Variants in GSE1 observed in about 807,000 individuals in gnomAD.
GSE1 encodes Gse1 coiled-coil protein, also known as genetic suppressor element 1.
GSE1 carries 32 observed loss-of-function variants against 112.6 expected under a neutral mutation model. That is an observed-to-expected ratio of 0.28 (90% CI 0.21 to 0.38). The LOEUF is 0.38. GSE1 is among the 10% of genes least tolerant of loss of function. GSE1 has a pLI of 1.00. For synonymous variants in GSE1, 1,115 were observed against 735.6 expected (o/e 1.52, Z -8.35); for missense variants, 2,348 against 1,699.2 (o/e 1.38, Z -6.71).
intron 15 of GSE1, chr16:85,672,109 C>T: frequency 3.0e-6 from 1 of 330,516 alleles, no homozygotes; most frequent in Non-Finnish European, 6.0e-6. Flanking sequence ...AGCGATTCTC[C>T]TGCCTCAGCC....
In GSE1 at chr16:85,662,988, C is replaced by A; in HGVS notation, c.2268C>A (p.Tyr756Ter). The A allele has an allele frequency of 6.2e-7, 1 of 1,604,014 alleles. No homozygotes were observed. The highest frequency in any genetic ancestry group is 8.5e-7 in the Non-Finnish European group (1 of 1,171,566). The change falls in exon 10 of 16, where the codon TAC (tyrosine) becomes TAA (stop). Residue 756 changes from tyrosine to a stop codon, truncating the protein, a stop_gained. Transcript: ENST00000253458. LOFTEE classifies it high-confidence loss of function. Reference protein sequence around the residue: ...RRREAQEKGYYYDLDDSYDES... With the variant: ...RRREAQEKGY ...CAACCATTTCTCCATCAGGGTACTA[C>A]TACGACCTCGATGACTCTTACGACG...
At chr16:85,650,995 C>T (rs1298803145) in intron 3 of GSE1, among the ~76,000 whole-genome samples, 1 of 149,208 alleles carries the variant, frequency 6.7e-6, no homozygotes, top group African/African-American at 2.5e-5. Flanking sequence ...CTATGGAACC[C>T]TTGCTCTAAT....
Position 85,647,357 on chromosome 16 carries a change from G to A in GSE1, c.227-1195G>A, listed in dbSNP as rs143066920. Among the ~76,000 whole-genome samples the A allele has an allele frequency of 2.7e-4, 41 of 152,354 alleles. No homozygotes were observed. The East Asian group carries it at 7.0e-3, about 26-fold the overall frequency. On this transcript the variant is annotated intron_variant, in intron 2 of 15. Transcript: ENST00000253458. ...CTTTCTGAGGCGACGGGCGAGTTCCGGGGTAGGTCGTGGTGGTGGTTGTAA... is the reference window on the plus strand; with the variant it reads ...CTTTCTGAGGCGACGGGCGAGTTCCAGGGTAGGTCGTGGTGGTGGTTGTAA...
chr16:85,367,890 C>T lies in GSE1; in HGVS notation c.2464+10247C>T, dbSNP rs145729611. Among the ~76,000 whole-genome samples, 147 of 131,424 alleles carry T rather than the reference C, an allele frequency of 1.1e-3. 1 individual carries two copies. Among genetic ancestry groups the T allele is most frequent in the African/African-American group, 4.0e-3 (140 of 35,260 alleles). 86.2% of individuals were successfully genotyped at this position (131,424 alleles called of 152,430 possible). A position where few individuals can be genotyped will look rare whatever the true frequency, so the allele number is the denominator to read the frequency against. ...CCGAGATGGAGTTTCACTCTTGTTG[C>T]CCAGGCTAGAGTGCAATGGCATGAT... On this transcript the variant is annotated intron_variant, in intron 2 of 2. Coordinates refer to the GSE1 transcript ENST00000637419.
intron 2 of GSE1, among the ~76,000 whole-genome samples, chr16:85,408,086 A>T (rs530193492): frequency 4.4e-4 from 19 of 42,756 alleles, no homozygotes; most frequent in South Asian, 1.1e-3. Context: ...TCACTGTTAC[A>T]CTCAGGGCCC....
intron 1 of GSE1, among the ~76,000 whole-genome samples, chr16:85,343,990 C>T (rs185630371): frequency 4.7e-4 from 72 of 152,312 alleles, no homozygotes; most frequent in African/African-American, 1.7e-3. Context: ...TTCCCCGCGC[C>T]TGAAACACTA....
intron 2 of GSE1, among the ~76,000 whole-genome samples, chr16:85,403,010 C>T (rs914975034): frequency 6.6e-6 from 1 of 152,050 alleles, no homozygotes; most frequent in Admixed American, 6.5e-5. Flanking sequence ...CCAGCTTAGC[C>T]GGGCCTCCTG....
At chr16:85,230,589 C>T (rs937751634) in intron 1 of GSE1, among the ~76,000 whole-genome samples, 2 of 152,174 alleles carry the variant, frequency 1.3e-5, no homozygotes, top group Non-Finnish European at 2.9e-5. Flanking sequence ...AGGCTCTCCT[C>T]GCATGCTGTC....
At chr16:85,261,184 C>T (rs1349838619) in intron 1 of GSE1, among the ~76,000 whole-genome samples, 1 of 152,238 alleles carries the variant, frequency 6.6e-6, no homozygotes, top group African/African-American at 2.4e-5. Context: ...TCCCAGCTCG[C>T]ATTCTTGCCA....
intron 2 of GSE1, among the ~76,000 whole-genome samples, chr16:85,520,234 G>C (rs1487853933): frequency 6.6e-6 from 1 of 152,038 alleles, no homozygotes; most frequent in Non-Finnish European, 1.5e-5. Flanking sequence ...CCTTTAACAG[G>C]AGCTTAATCC....
intron 1 of GSE1, among the ~76,000 whole-genome samples, chr16:85,271,596 G>A (rs1369021533): frequency 6.6e-6 from 1 of 152,212 alleles, no homozygotes; most frequent in Non-Finnish European, 1.5e-5. Context: ...TGGCTTTCCT[G>A]CTGCTTCGCA....
At chr16:85,556,563 C>G (rs972132808) in intron 1 of GSE1, among the ~76,000 whole-genome samples, 1 of 151,454 alleles carries the variant, frequency 6.6e-6, no homozygotes, top group Non-Finnish European at 1.5e-5. Flanking sequence ...CGGCGGGGAG[C>G]GCCCACCTGG....
intron 1 of GSE1, among the ~76,000 whole-genome samples, chr16:85,188,824 A>C (rs2074763334): frequency 6.6e-6 from 1 of 151,374 alleles, no homozygotes; most frequent in Non-Finnish European, 1.5e-5. Context: ...AAAAAAACAA[A>C]ACAAAAAAAC....
At chr16:85,587,207 C>A (rs2046746832) in intron 1 of GSE1, among the ~76,000 whole-genome samples, 1 of 151,138 alleles carries the variant, frequency 6.6e-6, no homozygotes, top group African/African-American at 2.4e-5. Flanking sequence ...GTCTGGAGGG[C>A]CCGGCCGTGG....
At chr16:85,188,090 G>T (rs1000794525) in intron 1 of GSE1, among the ~76,000 whole-genome samples, 33 of 152,352 alleles carry the variant, frequency 2.2e-4, no homozygotes, top group African/African-American at 6.7e-4. Flanking sequence ...TGTCATCCAA[G>T]GGGAGGCAGG....
intron 1 of GSE1, among the ~76,000 whole-genome samples, chr16:85,632,695 T>C (rs1239329623): frequency 2.6e-5 from 4 of 151,854 alleles, no homozygotes; most frequent in Non-Finnish European, 5.9e-5. Context: ...CCTTACCCCA[T>C]AGGAAGTGCA....
At chr16:85,555,173 C>A, upstream of GSE1, 1 of 985,416 alleles carries the variant, frequency 1.0e-6, no homozygotes, top group Non-Finnish European at 1.2e-6. Flanking sequence ...TTAGGGGAGA[C>A]AAATCTGCTG....
At chr16:85,518,789 AG>A (rs1433189797) in intron 2 of GSE1, among the ~76,000 whole-genome samples, 2 of 152,138 alleles carry the variant, frequency 1.3e-5, no homozygotes, top group African/African-American at 4.8e-5. Context: ...TGGTATAAAA[AG>A]GACCTATCCT....
At chr16:85,576,665 C>T (rs1430719663) in intron 1 of GSE1, among the ~76,000 whole-genome samples, 1 of 152,164 alleles carries the variant, frequency 6.6e-6, no homozygotes, top group African/African-American at 2.4e-5. Context: ...TTTGAAGGGT[C>T]ACCTATTCTT....
Sources: gnomAD v4.1 joint callset for allele counts (sites outside exome capture counted in the v4.1 genomes callset) on GRCh38, gnomAD v4.1.1 for gene constraint, MANE v1.5 for transcripts, NCBI Gene and HGNC (gene_info 2026-07-23, HGNC 2026-07-21) for gene names.